ADAM22: variants seen among roughly 807,000 people sequenced by gnomAD.
ADAM22 encodes the protein ADAM metallopeptidase domain 22.
Under a neutral mutation model 144.6 loss-of-function variants are expected in ADAM22, and 65 were observed. The observed-to-expected ratio is 0.45, with a 90% confidence interval of 0.37 to 0.55. The LOEUF is 0.55. Ranked by LOEUF, ADAM22 falls within the 20% of genes least tolerant of loss-of-function variation. ADAM22 has a pLI of 0.00. For missense variants in ADAM22, 974 were observed against 1,184.9 expected (o/e 0.82, Z 2.61); for synonymous variants, 391 against 412.6 (o/e 0.95, Z 0.63).
intron 7 of ADAM22, among the ~76,000 whole-genome samples, chr7:88,118,645 ATC>A (rs58692472): frequency 6.8e-6 from 1 of 146,954 alleles, no homozygotes; most frequent in Non-Finnish European, 1.5e-5. Context: ...TTATATATCT[ATC>A]TATCTATCTA....
intron 3 of ADAM22, among the ~76,000 whole-genome samples, chr7:88,026,167 T>C (rs1362581909): frequency 1.3e-5 from 2 of 152,200 alleles, no homozygotes; most frequent in Non-Finnish European, 2.9e-5. Flanking sequence ...TAGCACAGAC[T>C]GGATAATTTA....
intron 22 of ADAM22, among the ~76,000 whole-genome samples, chr7:88,160,038 T>G (rs975008364): frequency 1.3e-5 from 2 of 152,190 alleles, no homozygotes. Flanking sequence ...TTTCAGCTGA[T>G]AAACAACTTC....
chr7:87,934,753 G>A (rs773931477), intron 1 of ADAM22: 1 of 657,138 alleles, frequency 1.5e-6, no homozygotes, highest in Non-Finnish European at 2.6e-6. Flanking sequence ...GAAGCCTTCG[G>A]TCAAAGCCTG....
chr7:87,998,579 C>G lies in ADAM22; in HGVS notation c.323+20167C>G, dbSNP rs1584920283. On this transcript the variant is annotated intron_variant, in intron 3 of 31. Coordinates refer to ENST00000413139, the MANE Select transcript of ADAM22 (RefSeq NM_001324418.2). ...CTAATTTTTGTGTTTTTAGTAGAGG[C>G]CGGGTTTCACTATGTTGGCCAGGCT... Among the ~76,000 whole-genome samples, 3 of 152,138 alleles carry G rather than the reference C, an allele frequency of 2.0e-5. No individual in the cohort carries two copies. The South Asian group carries it at 6.3e-4, about 32-fold the overall frequency.
At chr7:88,188,827 T>C (rs541504271) in intron 30 of ADAM22, among the ~76,000 whole-genome samples, 3 of 152,210 alleles carry the variant, frequency 2.0e-5, no homozygotes, top group Admixed American at 2.0e-4. Flanking sequence ...AGGATTACCC[T>C]TCCTGTCAAA....
chr7:88,193,882 A>C (rs1586669831), intron 31 of ADAM22, among the ~76,000 whole-genome samples: 2 of 152,360 alleles, frequency 1.3e-5, no homozygotes, highest in South Asian at 4.1e-4. Context: ...GGATCATTCA[A>C]ATTTTAATTT....
chr7:87,999,712 C>T (rs1021055144), intron 3 of ADAM22, among the ~76,000 whole-genome samples: 12 of 152,198 alleles, frequency 7.9e-5, no homozygotes, highest in Admixed American at 2.0e-4. Flanking sequence ...ATCAGTTATA[C>T]GGGATTAAAA....
intron 4 of ADAM22, among the ~76,000 whole-genome samples, chr7:88,090,348 T>G (rs112215844): frequency 6.6e-6 from 1 of 152,120 alleles, no homozygotes; most frequent in African/African-American, 2.4e-5. Context: ...AGAGGAAATT[T>G]TGGATGGTAT....
intron 3 of ADAM22, among the ~76,000 whole-genome samples, chr7:88,045,487 G>A (rs954626692): frequency 1.3e-5 from 2 of 152,020 alleles, no homozygotes; most frequent in Admixed American, 6.6e-5. Context: ...TACATACTGT[G>A]AAATGATTAC....
chr7:87,982,068 T>TATATATATATAC (rs1244517564), intron 3 of ADAM22, among the ~76,000 whole-genome samples: 1 of 93,720 alleles, frequency 1.1e-5, no homozygotes, highest in African/African-American at 4.6e-5. Flanking sequence ...TATATATATA[T>TATATATATATAC]ACACACACAC....
intron 4 of ADAM22, among the ~76,000 whole-genome samples, chr7:88,085,039 A>G (rs2129483804): frequency 6.6e-6 from 1 of 152,338 alleles, no homozygotes; most frequent in Admixed American, 6.5e-5. Flanking sequence ...ACCCTGTTTT[A>G]ACTGCGTTAC....
At chr7:87,973,418 C>T (rs1018248635) in intron 2 of ADAM22, among the ~76,000 whole-genome samples, 2 of 151,816 alleles carry the variant, frequency 1.3e-5, no homozygotes, top group African/African-American at 4.8e-5. Context: ...GAATGGCGAT[C>T]ATTAAAAAGT....
chr7:88,134,450 AT>A (rs1199753566), intron 13 of ADAM22, 31 bp downstream of exon 13: 1 of 1,485,410 alleles, frequency 6.7e-7, no homozygotes, highest in Non-Finnish European at 9.2e-7. Flanking sequence ...GGTTAGTTGT[AT>A]TTAAAATAGA....
At chr7:87,935,565 T>C (rs2131157018) in intron 2 of ADAM22, among the ~76,000 whole-genome samples, 1 of 152,302 alleles carries the variant, frequency 6.6e-6, no homozygotes, top group South Asian at 2.1e-4. Flanking sequence ...TCAAAGAGAC[T>C]TCATAAGTGA....
rs1336007067 is a variant in ADAM22 at position 88,202,528 on chromosome 7, C to G, written c.*6037C>G. The G allele has an allele frequency of 6.6e-6, 1 of 152,156 alleles. No homozygotes were observed. The highest frequency in any genetic ancestry group is 1.9e-4 in the East Asian group (1 of 5,192). The allele number at this position is 152,156 out of a possible 1,614,324, so 9.4% of individuals were successfully genotyped here. A position where few individuals can be genotyped will look rare whatever the true frequency, so the allele number is the denominator to read the frequency against. ...GTTTCACTTTTGGTAATCAGGTAAT[C>G]ATGTGTATATACTTAGATTCGCATT... On this transcript the variant is annotated 3_prime_UTR_variant, in exon 32 of 32. Coordinates refer to ENST00000413139, the MANE Select transcript of ADAM22 (RefSeq NM_001324418.2).
At chr7:88,092,642 T>A (rs899689680) in intron 4 of ADAM22, among the ~76,000 whole-genome samples, 1 of 152,206 alleles carries the variant, frequency 6.6e-6, no homozygotes, top group African/African-American at 2.4e-5. Flanking sequence ...CTTTGCATTA[T>A]AGGAAAAAAA....
rs892080945 is a variant in ADAM22 at position 87,949,745 on chromosome 7, A to G, written c.246+14559A>G. Among the ~76,000 whole-genome samples, 14 of 151,730 alleles carry G rather than the reference A, an allele frequency of 9.2e-5. No individual in the cohort carries two copies. The South Asian group carries it at 2.9e-3, about 31-fold the overall frequency. On this transcript the variant is annotated intron_variant, in intron 2 of 31. Transcript: ENST00000413139. ...CAGATATTTTGTCTAAAAATTAAAA[A>G]TAAATTTCTAGTTTTTATCTTACTT...
At chr7:87,969,935 A>G (rs1283739770) in intron 2 of ADAM22, among the ~76,000 whole-genome samples, 1 of 152,208 alleles carries the variant, frequency 6.6e-6, no homozygotes, top group Non-Finnish European at 1.5e-5. Context: ...AGTAACATGG[A>G]GTCATAAGTA....
At chr7:88,112,346 G>T (rs1038612459) in intron 5 of ADAM22, among the ~76,000 whole-genome samples, 2 of 152,150 alleles carry the variant, frequency 1.3e-5, no homozygotes, top group African/African-American at 4.8e-5. Flanking sequence ...TTTGGATAGA[G>T]GCAGAACTTG....
Sources: gnomAD v4.1 joint callset for allele counts (sites outside exome capture counted in the v4.1 genomes callset) on GRCh38, gnomAD v4.1.1 for gene constraint, MANE v1.5 for transcripts, NCBI Gene and HGNC (gene_info 2026-07-23, HGNC 2026-07-21) for gene names.